The following GRIA1 variants were observed in gnomAD, a reference collection of about 807,000 sequenced individuals.
GRIA1 encodes glutamate receptor 1.
A neutral mutation model predicts 99.2 loss-of-function variants in GRIA1; 31 were observed. That is an observed-to-expected ratio of 0.31 (90% CI 0.23 to 0.42). The LOEUF (loss-of-function observed/expected upper bound fraction) is 0.42, where lower values mean the gene tolerates loss of function less well. GRIA1 is among the 10% of genes least tolerant of loss of function. The pLI, the probability that GRIA1 is intolerant of heterozygous loss-of-function variation, is 1.00. For synonymous variants in GRIA1, 438 were observed against 432.4 expected (o/e 1.01, Z -0.16); for missense variants, 782 against 1,157.5 (o/e 0.68, Z 4.71).
At chr5:153,687,717 T>C (rs190468102) in intron 8 of GRIA1, among the ~76,000 whole-genome samples, 73 of 152,288 alleles carry the variant, frequency 4.8e-4, no homozygotes, top group Non-Finnish European at 9.8e-4. Context: ...ACTTTAAAGT[T>C]CTCTTTGTCC....
At chr5:153,806,566 TG>T (rs1260887249) in intron 15 of GRIA1, among the ~76,000 whole-genome samples, 1 of 152,176 alleles carries the variant, frequency 6.6e-6, no homozygotes, top group East Asian at 1.9e-4. Flanking sequence ...GCCCCGCCCT[TG>T]GCCCACTCTT....
Position 153,811,267 on chromosome 5 carries a change from C to T in GRIA1, c.*42C>T, listed in dbSNP as rs550496812. 4 of 1,502,822 alleles carry T rather than the reference C, an allele frequency of 2.7e-6. No individual in the cohort carries two copies. In the African/African-American group the frequency reaches 5.5e-5, roughly 21 times the overall value. 93.1% of individuals were successfully genotyped at this position (1,502,822 alleles called of 1,614,324 possible). A position where few individuals can be genotyped will look rare whatever the true frequency, so the allele number is the denominator to read the frequency against. On this transcript the variant is annotated 3_prime_UTR_variant, in exon 16 of 16. Coordinates refer to ENST00000285900, the MANE Select transcript of GRIA1 (RefSeq NM_000827.4). The stretch of plus-strand genomic sequence containing the variant: ...CCCCTTGGGGAGCAGGCTCGGGCTC[C>T]CCAGCCCCATCCCAAACCCTTCAGT...
chr5:153,585,168 C>T (rs1763361303), intron 2 of GRIA1, among the ~76,000 whole-genome samples: 1 of 152,120 alleles, frequency 6.6e-6, no homozygotes, highest in Non-Finnish European at 1.5e-5. Flanking sequence ...ATTCCAAGTG[C>T]AAGTTGGAAC....
chr5:153,555,233 T>C (rs1760518968), intron 2 of GRIA1, among the ~76,000 whole-genome samples: 1 of 151,622 alleles, frequency 6.6e-6, no homozygotes, highest in East Asian at 1.9e-4. Context: ...AATGATCTCT[T>C]TGGATGTTCA....
At chr5:153,749,395 T>G (rs1023987694) in intron 11 of GRIA1, among the ~76,000 whole-genome samples, 1 of 152,168 alleles carries the variant, frequency 6.6e-6, no homozygotes, top group South Asian at 2.1e-4. Flanking sequence ...AGAAGTTTAT[T>G]TAGCTCACGT....
intron 15 of GRIA1, among the ~76,000 whole-genome samples, chr5:153,807,090 T>G (rs1766482188): frequency 6.6e-6 from 1 of 152,212 alleles, no homozygotes; most frequent in Non-Finnish European, 1.5e-5. Flanking sequence ...GCTCTACCCT[T>G]CAGTTCCCCT....
intron 2 of GRIA1, among the ~76,000 whole-genome samples, chr5:153,578,431 G>C (rs1762765725): frequency 6.6e-6 from 1 of 152,100 alleles, no homozygotes; most frequent in Non-Finnish European, 1.5e-5. Context: ...GGACAACCAG[G>C]GTAGCTGGAA....
At chr5:153,783,054 T>G (rs538878540) in intron 13 of GRIA1, among the ~76,000 whole-genome samples, 45 of 152,270 alleles carry the variant, frequency 3.0e-4, no homozygotes, top group Admixed American at 1.1e-3. Context: ...GAGCAGAGTT[T>G]TCTTCTCTTC....
At chr5:153,692,789 A>T (rs1038840117) in intron 8 of GRIA1, among the ~76,000 whole-genome samples, 2 of 152,210 alleles carry the variant, frequency 1.3e-5, no homozygotes, top group African/African-American at 4.8e-5. Flanking sequence ...GTAAGCACAT[A>T]CAAATAAAAG....
chr5:153,748,450 C>T (rs551433463), intron 11 of GRIA1, among the ~76,000 whole-genome samples: 10 of 152,290 alleles, frequency 6.6e-5, no homozygotes, highest in South Asian at 4.1e-4. Context: ...GGAGACAAGA[C>T]GCGGGCTGGC....
chr5:153,808,357 A>T (rs185789479), intron 15 of GRIA1, among the ~76,000 whole-genome samples: 1 of 151,000 alleles, frequency 6.6e-6, no homozygotes, highest in Admixed American at 6.6e-5. Context: ...GAGAAGTGAC[A>T]GCAGTTTATG....
intron 2 of GRIA1, among the ~76,000 whole-genome samples, chr5:153,609,873 T>C (rs1249945985): frequency 6.6e-6 from 1 of 152,182 alleles, no homozygotes. Flanking sequence ...GACTCTTTTC[T>C]TAAATATTCC....
chr5:153,652,558 A>T (rs1754652653), intron 4 of GRIA1, among the ~76,000 whole-genome samples: 3 of 152,350 alleles, frequency 2.0e-5, no homozygotes, highest in African/African-American at 7.2e-5. Context: ...GCTTCTTAAA[A>T]ATGCAACTTT....
At chr5:153,695,721 T>C (rs1758047341) in intron 8 of GRIA1, among the ~76,000 whole-genome samples, 1 of 152,222 alleles carries the variant, frequency 6.6e-6, no homozygotes, top group Non-Finnish European at 1.5e-5. Flanking sequence ...TCCTTCCACC[T>C]TGACTAACAG....
intron 5 of GRIA1, among the ~76,000 whole-genome samples, chr5:153,657,764 C>T (rs960935086): frequency 2.0e-5 from 3 of 152,112 alleles, no homozygotes; most frequent in Non-Finnish European, 2.9e-5. Flanking sequence ...GGAGTGAGGA[C>T]TTGAAATAAG....
At chr5:153,795,274 T>A (rs1765573133) in intron 14 of GRIA1, among the ~76,000 whole-genome samples, 1 of 152,108 alleles carries the variant, frequency 6.6e-6, no homozygotes, top group South Asian at 2.1e-4. Flanking sequence ...ATACTCATCT[T>A]GCTATACTAG....
chr5:153,557,149 A>G (rs1443054215), intron 2 of GRIA1, among the ~76,000 whole-genome samples: 1 of 152,230 alleles, frequency 6.6e-6, no homozygotes, highest in Non-Finnish European at 1.5e-5. Flanking sequence ...TGCTCTGGTG[A>G]GTCAGTGAGT....
At chr5:153,629,773 A>G (rs1369449050) in intron 2 of GRIA1, among the ~76,000 whole-genome samples, 2 of 152,230 alleles carry the variant, frequency 1.3e-5, no homozygotes. Flanking sequence ...TGTGCAGAAC[A>G]TGCTGTTCTT....
chr5:153,655,761 T>C lies in GRIA1; in HGVS notation c.646-58T>C. On this transcript the variant is annotated intron_variant, in intron 4 of 15. Transcript: ENST00000285900. ...ATATCAGCTGCCGTTATTACTGTTG[T>C]TGTCGTGGCTTTAACTGTTAGTATG... is the stretch of plus-strand genomic sequence containing the variant. The C allele has an allele frequency of 2.1e-6, 3 of 1,441,186 alleles. 1 individual carries two copies. The South Asian group carries it at 3.4e-5, about 16-fold the overall frequency. The allele number at this position is 1,441,186 out of a possible 1,614,324, so 89.3% of individuals were successfully genotyped here. A position where few individuals can be genotyped will look rare whatever the true frequency, so the allele number is the denominator to read the frequency against.
Sources: allele counts gnomAD v4.1 joint callset (sites outside exome capture counted in the v4.1 genomes callset), GRCh38; gene constraint gnomAD v4.1.1; transcripts MANE v1.5; gene names NCBI Gene and HGNC (gene_info 2026-07-23, HGNC 2026-07-21).